BACH2: variants seen among roughly 807,000 people sequenced by gnomAD.
BACH2 encodes BACH transcriptional regulator 2, also known as transcription regulator protein BACH2.
Under a neutral mutation model 61.8 loss-of-function variants are expected in BACH2, and 5 were observed. That is an observed-to-expected ratio of 0.08 (90% CI 0.04 to 0.17). The LOEUF (loss-of-function observed/expected upper bound fraction) is 0.17, where lower values mean the gene tolerates loss of function less well. Ranked by LOEUF, BACH2 falls within the 10% of genes least tolerant of loss-of-function variation. The pLI is 1.00. For synonymous variants in BACH2, 446 were observed against 440.1 expected, an observed-to-expected ratio of 1.01 and a Z score of -0.17; for missense variants, 824 against 1,091.1, an observed-to-expected ratio of 0.76 and a Z score of 3.45.
rs1419402602 is a variant in BACH2, at chr6:89,928,590, T to C, written c.*3818A>G. ...CCAGTCCTCTCATGAGTCTTGTCGC[T>C]GGTCCTGGCTCCTTTTGAAGGAGTA... is the stretch of plus-strand genomic sequence containing the variant. On this transcript the variant is annotated 3_prime_UTR_variant, in exon 9 of 9. Transcript: ENST00000257749. 2 of 152,802 alleles carry C rather than the reference T, an allele frequency of 1.3e-5. No homozygotes were observed. The highest frequency in any genetic ancestry group is 2.9e-5 in the Non-Finnish European group (2 of 68,046). The allele number at this position is 152,802 out of a possible 1,614,324, so 9.5% of individuals were successfully genotyped here. A position where few individuals can be genotyped will look rare whatever the true frequency, so the allele number is the denominator to read the frequency against.
intron 5 of BACH2, among the ~76,000 whole-genome samples, chr6:90,072,810 C>G (rs1293442697): frequency 6.6e-6 from 1 of 151,988 alleles, no homozygotes; most frequent in African/African-American, 2.4e-5. Flanking sequence ...CCCAAACAAC[C>G]CTGAAAAGTG....
At chr6:90,156,206 C>T (rs772810689) in intron 4 of BACH2, among the ~76,000 whole-genome samples, 6 of 152,140 alleles carry the variant, frequency 3.9e-5, no homozygotes, top group Non-Finnish European at 8.8e-5. Context: ...AAAAACGCTT[C>T]ACAAGAGTTT....
intron 6 of BACH2, among the ~76,000 whole-genome samples, chr6:89,958,486 C>T (rs980528081): frequency 3.9e-5 from 6 of 152,298 alleles, no homozygotes; most frequent in Non-Finnish European, 8.8e-5. Flanking sequence ...ACAGTGCCTG[C>T]CTTATAGTAA....
intron 3 of BACH2, among the ~76,000 whole-genome samples, chr6:90,233,427 T>C (rs1770161779): frequency 1.3e-5 from 2 of 152,150 alleles, no homozygotes; most frequent in Admixed American, 6.5e-5. Flanking sequence ...CCAGCCCCAC[T>C]CCACCCTCCA....
chr6:90,295,844 T>C (rs1772344002), intron 1 of BACH2, among the ~76,000 whole-genome samples: 2 of 152,202 alleles, frequency 1.3e-5, no homozygotes, highest in East Asian at 1.9e-4. Flanking sequence ...GGCCCCCAGC[T>C]CGCCTCTTCC....
intron 1 of BACH2, among the ~76,000 whole-genome samples, chr6:90,296,190 G>C (rs1376254570): frequency 2.6e-5 from 4 of 151,962 alleles, no homozygotes; most frequent in African/African-American, 9.7e-5. Context: ...AACACCCTTC[G>C]ACGCCAGCAA....
chr6:90,129,366 G>C (rs1784001935), intron 4 of BACH2, among the ~76,000 whole-genome samples: 1 of 152,144 alleles, frequency 6.6e-6, no homozygotes, highest in African/African-American at 2.4e-5. Flanking sequence ...TACATGTGCA[G>C]AATGTGCAGG....
intron 3 of BACH2, among the ~76,000 whole-genome samples, chr6:90,236,311 G>T (rs1029564975): frequency 6.6e-6 from 1 of 152,230 alleles, no homozygotes; most frequent in African/African-American, 2.4e-5. Flanking sequence ...CTAACGATTA[G>T]AAACAGTATG....
rs188148326 is a variant in BACH2 at position 90,028,572 on chromosome 6, C to T, written c.-12-19716G>A. Among the ~76,000 whole-genome samples, 1,227 of 152,142 alleles carry T rather than the reference C, an allele frequency of 8.1e-3. 14 individuals carry two copies. The highest frequency in any genetic ancestry group is 0.013 in the Non-Finnish European group (852 of 67,982). On this transcript the variant is annotated intron_variant, in intron 5 of 8. Transcript: ENST00000257749. ...CCTGCCTGCATCTGAACCATGACCACAATGCTACCTCAGACAAACCACGTG... is the reference window on the plus strand; with the variant it reads ...CCTGCCTGCATCTGAACCATGACCATAATGCTACCTCAGACAAACCACGTG...
At chr6:90,202,141 T>C (rs1332841659) in intron 4 of BACH2, among the ~76,000 whole-genome samples, 5 of 152,208 alleles carry the variant, frequency 3.3e-5, no homozygotes, top group Non-Finnish European at 7.3e-5. Context: ...GCAAGCACAG[T>C]GCATGGCATA....
At chr6:90,108,511 G>C (rs1486312856) in intron 4 of BACH2, among the ~76,000 whole-genome samples, 1 of 152,200 alleles carries the variant, frequency 6.6e-6, no homozygotes, top group African/African-American at 2.4e-5. Flanking sequence ...CCTACTGAAA[G>C]TGAACTACCA....
chr6:89,941,890 A>T (rs1562311262), intron 7 of BACH2, among the ~76,000 whole-genome samples: 1 of 152,218 alleles, frequency 6.6e-6, no homozygotes, highest in Non-Finnish European at 1.5e-5. Context: ...CAGACAGTGA[A>T]TATAAAACAC....
At chr6:90,094,955 G>T (rs1035582807) in intron 4 of BACH2, among the ~76,000 whole-genome samples, 1 of 152,056 alleles carries the variant, frequency 6.6e-6, no homozygotes, top group Non-Finnish European at 1.5e-5. Context: ...TCAAAACTTA[G>T]TTCTAAAAAT....
intron 8 of BACH2, among the ~76,000 whole-genome samples, chr6:89,937,564 C>CT: frequency 6.6e-6 from 1 of 152,182 alleles, no homozygotes; most frequent in East Asian, 1.9e-4. Flanking sequence ...GGGTTTCACT[C>CT]TATCACCCAG....
chr6:90,220,316 C>G (rs1049586336), intron 3 of BACH2, among the ~76,000 whole-genome samples: 1 of 151,990 alleles, frequency 6.6e-6, no homozygotes, highest in Non-Finnish European at 1.5e-5. Flanking sequence ...CCCATTTTAC[C>G]GAATTAGGAA....
At chr6:90,069,962 A>G (rs990636647) in intron 5 of BACH2, among the ~76,000 whole-genome samples, 1 of 152,140 alleles carries the variant, frequency 6.6e-6, no homozygotes, top group African/African-American at 2.4e-5. Context: ...GGTGGGTGAG[A>G]AAGGACACTC....
At chr6:89,968,969 C>T (rs755743003) in intron 6 of BACH2, among the ~76,000 whole-genome samples, 1 of 151,742 alleles carries the variant, frequency 6.6e-6, no homozygotes, top group Non-Finnish European at 1.5e-5. Context: ...TGAGATTGTG[C>T]CACTGCACTC....
intron 4 of BACH2, among the ~76,000 whole-genome samples, chr6:90,092,692 G>C (rs76638227): frequency 6.6e-6 from 1 of 151,936 alleles, no homozygotes; most frequent in South Asian, 2.1e-4. Context: ...TTCATAGTTT[G>C]GAAAAGAACA....
At chr6:90,296,221 C>G (rs1772375891) in intron 1 of BACH2, among the ~76,000 whole-genome samples, 1 of 151,984 alleles carries the variant, frequency 6.6e-6, no homozygotes, top group African/African-American at 2.4e-5. Flanking sequence ...GCCTCGGCCG[C>G]CGTAAACAGC....
Sources: gnomAD v4.1 joint callset for allele counts (sites outside exome capture counted in the v4.1 genomes callset) on GRCh38, gnomAD v4.1.1 for gene constraint, MANE v1.5 for transcripts, NCBI Gene and HGNC (gene_info 2026-07-23, HGNC 2026-07-21) for gene names.